KIRREL3: variants seen among roughly 807,000 people sequenced by gnomAD.
The protein encoded by KIRREL3 is kirre like nephrin family adhesion molecule 3, also known as kin of IRRE-like protein 3.
In KIRREL3, 36 loss-of-function variants were observed where a neutral mutation model predicts 89.7. That is an observed-to-expected ratio of 0.40 (90% CI 0.31 to 0.53). KIRREL3 has a LOEUF of 0.53. Among genes scored for constraint, KIRREL3 ranks in the 20% least tolerant of loss-of-function variants. KIRREL3 has a pLI of 0.49. For synonymous variants in KIRREL3, 445 were observed against 441.4 expected, an observed-to-expected ratio of 1.01 and a Z score of -0.10; for missense variants, 864 against 1,056.6, an observed-to-expected ratio of 0.82 and a Z score of 2.53.
rs780044572 is a variant in KIRREL3 at position 126,773,375 on chromosome 11, C to T, written c.56-210463G>A. 2.6e-5 allele frequency among the ~76,000 whole-genome samples: 4 copies of T among 152,198 alleles called. No individual in the cohort carries two copies. The highest frequency in any genetic ancestry group is 2.9e-5 in the Non-Finnish European group (2 of 68,048). On this transcript the variant is annotated intron_variant, in intron 1 of 16. Transcript: ENST00000525144. The surrounding 1 kb of genome is among the most constrained non-coding windows in gnomAD (Gnocchi z 4.2). Reference sequence around the variant, plus strand: ...GAGCAAGAAGGAACTCTCCAGCAGACGACCTCTTGACTTGAATTGCAATGT... The same window carrying T: ...GAGCAAGAAGGAACTCTCCAGCAGATGACCTCTTGACTTGAATTGCAATGT...
intron 1 of KIRREL3, chr11:126,936,235 G>A (rs374599269): frequency 2.0e-5 from 3 of 152,138 alleles, no homozygotes; most frequent in African/African-American, 7.2e-5. Context: ...AAAAAAGACA[G>A]AAATAACAGA....
rs1032434684 is a variant in KIRREL3, at chr11:126,471,592, T to G, written c.591+1717A>C. ...GTTGGTGGCTCAGCAGGTTTAGGATTGGATAGCTTGAATAATTTCCCTGGG... is the reference window on the plus strand; with the variant it reads ...GTTGGTGGCTCAGCAGGTTTAGGATGGGATAGCTTGAATAATTTCCCTGGG... On this transcript the variant is annotated intron_variant, in intron 5 of 16. Transcript: ENST00000525144. The surrounding 1 kb of genome is among the most constrained non-coding windows in gnomAD (Gnocchi z 5.4). 6.6e-6 allele frequency among the ~76,000 whole-genome samples: 1 copy of G among 151,918 alleles called. No individual in the cohort carries two copies. Among genetic ancestry groups the G allele is most frequent in the Non-Finnish European group, 1.5e-5 (1 of 67,950 alleles).
chr11:126,648,388 T>C (rs1376638759), intron 1 of KIRREL3, among the ~76,000 whole-genome samples: 1 of 152,238 alleles, frequency 6.6e-6, no homozygotes, highest in South Asian at 2.1e-4. Context: ...CAGTTCCCTC[T>C]GCCTGGGATG....
At chr11:126,789,485 T>G (rs1472335473) in intron 1 of KIRREL3, among the ~76,000 whole-genome samples, 1 of 152,152 alleles carries the variant, frequency 6.6e-6, no homozygotes, top group Admixed American at 6.5e-5. Context: ...CCTAGAAAAA[T>G]TGGAAAAAGT....
chr11:126,923,177 TC>T (rs1565423012), intron 1 of KIRREL3, among the ~76,000 whole-genome samples: 410 of 8,844 alleles, frequency 0.046, 112 homozygotes, highest in East Asian at 0.18. Context: ...CTTCTTCTTC[TC>T]TTCTTCTTCT....
chr11:126,509,411 A>G (rs545560487), intron 4 of KIRREL3, among the ~76,000 whole-genome samples: 7 of 152,256 alleles, frequency 4.6e-5, no homozygotes, highest in African/African-American at 1.7e-4. Flanking sequence ...TTGAACACTC[A>G]CTGCCTGACC....
rs1214084887 is a variant in KIRREL3, at chr11:126,491,715, A to G, written c.434-18249T>C. Among the ~76,000 whole-genome samples the G allele has an allele frequency of 1.3e-5, 2 of 150,744 alleles. No individual in the cohort carries two copies. The highest frequency in any genetic ancestry group is 3.0e-5 in the Non-Finnish European group (2 of 67,734). ...CTTTTTTTCTTTTTTCTTTTTTTTT[A>G]TATTTATACGGAGTCTTGCTCTGTC... On this transcript the variant is annotated intron_variant, in intron 4 of 16. Coordinates refer to ENST00000525144, the MANE Select transcript of KIRREL3 (RefSeq NM_032531.4). The surrounding 1 kb of genome is among the most constrained non-coding windows in gnomAD (Gnocchi z 5.5).
chr11:126,895,971 C>T lies in KIRREL3; in HGVS notation c.55+104484G>A, dbSNP rs146291854. ...GTCACTAGAGCGAATGGCAAATTCT[C>T]ATAGCTAGATAATGCAGAAATAAAG... On this transcript the variant is annotated intron_variant, in intron 1 of 16. Coordinates refer to ENST00000525144, the MANE Select transcript of KIRREL3 (RefSeq NM_032531.4). Among the ~76,000 whole-genome samples, 32 of 152,316 alleles carry T rather than the reference C, an allele frequency of 2.1e-4. 1 individual carries two copies. The highest frequency in any genetic ancestry group is 7.8e-4 in the Admixed American group (12 of 15,296).
chr11:126,644,607 A>G (rs968957826), intron 1 of KIRREL3, among the ~76,000 whole-genome samples: 2 of 152,204 alleles, frequency 1.3e-5, no homozygotes, highest in African/African-American at 4.8e-5. Flanking sequence ...CTAAAATCCT[A>G]GAGGAAGATG....
chr11:126,447,840 G>C (rs990136225), intron 8 of KIRREL3, among the ~76,000 whole-genome samples: 10 of 152,212 alleles, frequency 6.6e-5, no homozygotes, highest in African/African-American at 2.4e-4. Context: ...TCAAGGGCAA[G>C]GGGGAGGGCC....
rs1200226858 is a variant in KIRREL3, at chr11:126,527,266, G to A, written c.134-579C>T. Among the ~76,000 whole-genome samples, 2 of 152,042 alleles carry A rather than the reference G, an allele frequency of 1.3e-5. No individual in the cohort carries two copies. Among genetic ancestry groups the A allele is most frequent in the Non-Finnish European group, 2.9e-5 (2 of 68,008 alleles). Reference sequence around the variant, plus strand: ...ATGGCAGGAGGTGTGCTGAGGAGGCGTGCCATCCTACCGTGTCCTCCCTGT... The same window carrying A: ...ATGGCAGGAGGTGTGCTGAGGAGGCATGCCATCCTACCGTGTCCTCCCTGT... On this transcript the variant is annotated intron_variant, in intron 2 of 16. Coordinates refer to ENST00000525144, the MANE Select transcript of KIRREL3 (RefSeq NM_032531.4). The surrounding 1 kb of genome is among the most constrained non-coding windows in gnomAD (Gnocchi z 4.2).
In KIRREL3 at chr11:126,769,989, T is replaced by C. The variant is rs1949968083; in HGVS notation, c.56-207077A>G. Among the ~76,000 whole-genome samples, 1 of 152,166 alleles carries C rather than the reference T, an allele frequency of 6.6e-6. No individual in the cohort carries two copies. Among genetic ancestry groups the C allele is most frequent in the Non-Finnish European group, 1.5e-5 (1 of 68,036 alleles). The stretch of plus-strand genomic sequence containing the variant: ...TATAGTTGTTTTTCCCAGATCCCTG[T>C]ATGGGCGGATGTGCAGATCCCATTA... On this transcript the variant is annotated intron_variant, in intron 1 of 16. Transcript: ENST00000525144. This position sits in a 1 kb window ranked among gnomAD's most constrained non-coding sequence, Gnocchi z 4.3.
At position 126,530,707 on chromosome 11, in the gene KIRREL3, C is replaced by A. The variant is rs1958915381; in HGVS notation, c.134-4020G>T. On this transcript the variant is annotated intron_variant, in intron 2 of 16. Transcript: ENST00000525144. The surrounding 1 kb of genome is among the most constrained non-coding windows in gnomAD (Gnocchi z 5.8). The stretch of plus-strand genomic sequence containing the variant: ...GGTCCTGCTCTCAGTGGAGATGTGA[C>A]ACACCCAGCACCTTCCACCGGCCCA... Among the ~76,000 whole-genome samples the A allele has an allele frequency of 6.6e-6, 1 of 152,200 alleles. No individual in the cohort carries two copies. The highest frequency in any genetic ancestry group is 2.4e-5 in the African/African-American group (1 of 41,446).
In KIRREL3 at chr11:126,897,384, C is replaced by T. The variant is rs1946208401; in HGVS notation, c.55+103071G>A. On this transcript the variant is annotated intron_variant, in intron 1 of 16. Coordinates refer to ENST00000525144, the MANE Select transcript of KIRREL3 (RefSeq NM_032531.4). This position sits in a 1 kb window ranked among gnomAD's most constrained non-coding sequence, Gnocchi z 4.2. ...ATTTAACTTTATAGAAAATGGAAAGCCTTCCCCAAGCGTTCTCTTATTTTG... is the reference window on the plus strand; with the variant it reads ...ATTTAACTTTATAGAAAATGGAAAGTCTTCCCCAAGCGTTCTCTTATTTTG... 6.6e-6 allele frequency among the ~76,000 whole-genome samples: 1 copy of T among 152,052 alleles called. No individual in the cohort carries two copies. The highest frequency in any genetic ancestry group is 1.5e-5 in the Non-Finnish European group (1 of 68,024).
intron 2 of KIRREL3, among the ~76,000 whole-genome samples, chr11:126,529,458 G>A (rs1402991291): frequency 2.0e-5 from 3 of 152,102 alleles, no homozygotes; most frequent in African/African-American, 7.2e-5. Context: ...TGATGGGATG[G>A]GGCTGAGCGG....
rs1035807469 is a variant in KIRREL3 at position 126,844,582 on chromosome 11, G to A, written c.55+155873C>T. 9.2e-5 allele frequency among the ~76,000 whole-genome samples: 14 copies of A among 152,100 alleles called. No individual in the cohort carries two copies. Among genetic ancestry groups the A allele is most frequent in the Non-Finnish European group, 1.9e-4 (13 of 68,010 alleles). On this transcript the variant is annotated intron_variant, in intron 1 of 16. Coordinates refer to ENST00000525144, the MANE Select transcript of KIRREL3 (RefSeq NM_032531.4). This position sits in a 1 kb window ranked among gnomAD's most constrained non-coding sequence, Gnocchi z 4.8. ...CCATTAAAGGCTCCTCTCCATAAAA[G>A]GCAAGGACACTTGACCGAACTTGAG...
In KIRREL3 at chr11:126,624,678, G is replaced by T. The variant is rs114854073; in HGVS notation, c.56-61766C>A. Among the ~76,000 whole-genome samples the T allele has an allele frequency of 0.024, 3,590 of 152,288 alleles. 40 individuals carry two copies. Among genetic ancestry groups the T allele is most frequent in the Middle Eastern group, 0.088 (26 of 294 alleles). On this transcript the variant is annotated intron_variant, in intron 1 of 16. Transcript: ENST00000525144. The surrounding 1 kb of genome is among the most constrained non-coding windows in gnomAD (Gnocchi z 6.0). ...ATTGATTCACTGAAGTGCTGCCATG[G>T]ATGTTAATGGAGACAAATATTGTGG...
chr11:126,527,980 C>T lies in KIRREL3; in HGVS notation c.134-1293G>A, dbSNP rs959166308. On this transcript the variant is annotated intron_variant, in intron 2 of 16. Coordinates refer to ENST00000525144, the MANE Select transcript of KIRREL3 (RefSeq NM_032531.4). The surrounding 1 kb of genome is among the most constrained non-coding windows in gnomAD (Gnocchi z 4.2). ...CAGTACAACCAGTACTTCATACAAC[C>T]CCTCCTGTAATCCACTTAATTATAC... Among the ~76,000 whole-genome samples the T allele has an allele frequency of 6.6e-6, 1 of 152,172 alleles. No individual in the cohort carries two copies. Among genetic ancestry groups the T allele is most frequent in the Non-Finnish European group, 1.5e-5 (1 of 68,038 alleles).
At chr11:126,746,592 C>T (rs1394521100) in intron 1 of KIRREL3, among the ~76,000 whole-genome samples, 1 of 152,132 alleles carries the variant, frequency 6.6e-6, no homozygotes, top group African/African-American at 2.4e-5. Context: ...GCCAGCCACC[C>T]AGTCACCCAA....
Sources: allele counts gnomAD v4.1 joint callset (sites outside exome capture counted in the v4.1 genomes callset), GRCh38; gene constraint gnomAD v4.1.1; non-coding constraint Gnocchi (gnomAD v3.1); transcripts MANE v1.5; gene names NCBI Gene and HGNC (gene_info 2026-07-23, HGNC 2026-07-21).